HDAC8: variants seen among roughly 807,000 people sequenced by gnomAD.
HDAC8 encodes the protein histone deacetylase-like 1.
In HDAC8, 1 loss-of-function variant was observed where a neutral mutation model predicts 32.2. The observed-to-expected ratio is 0.03, with a 90% CI of 0.01 to 0.15. The LOEUF is 0.15. Among genes scored for constraint, HDAC8 ranks in the 10% least tolerant of loss-of-function variants. The probability of loss-of-function intolerance (pLI) is 1.00; values close to 1 mark genes in which losing one functional copy is unlikely to be tolerated. For missense variants in HDAC8, 117 were observed against 300.0 expected, an observed-to-expected ratio of 0.39 and a Z score of 4.51; for synonymous variants, 108 against 113.9, an observed-to-expected ratio of 0.95 and a Z score of 0.33.
intron 4 of HDAC8, among the ~76,000 whole-genome samples, chrX:72,522,613 A>T (rs1345581121): frequency 8.9e-6 from 1 of 112,345 alleles, no homozygotes; most frequent in Non-Finnish European, 1.9e-5. Flanking sequence ...GTAAGAGCCG[A>T]TTGCTGCATA....
chrX:72,381,158 G>A (rs1555959822), intron 9 of HDAC8, among the ~76,000 whole-genome samples: 2 of 112,144 alleles, frequency 1.8e-5, no homozygotes, highest in African/African-American at 6.5e-5. Context: ...CAAGCCCTAG[G>A]TAATTCATAT....
At chrX:72,451,411 G>A (rs2148013765) in intron 9 of HDAC8, among the ~76,000 whole-genome samples, 1 of 111,829 alleles carries the variant, frequency 8.9e-6, no homozygotes, top group African/African-American at 3.2e-5. Flanking sequence ...TGGCCAGGCT[G>A]GTCTCAAACT....
At chrX:72,516,642 A>C (rs1373401693) in intron 4 of HDAC8, among the ~76,000 whole-genome samples, 8 of 111,390 alleles carry the variant, frequency 7.2e-5, no homozygotes, top group Middle Eastern at 4.6e-3. Context: ...TTGGAAAAAA[A>C]CCCACAAAAC....
chrX:72,354,868 C>A (rs1156995306), intron 9 of HDAC8, among the ~76,000 whole-genome samples: 1 of 111,692 alleles, frequency 9.0e-6, no homozygotes, highest in East Asian at 2.8e-4. Flanking sequence ...GAGATAATAT[C>A]TATAAAAGGG....
intron 9 of HDAC8, among the ~76,000 whole-genome samples, chrX:72,439,756 T>A (rs2047066367): frequency 9.2e-6 from 1 of 109,020 alleles, no homozygotes; most frequent in South Asian, 4.0e-4. Context: ...AAGGGATCAA[T>A]GCAAAAAGAA....
chrX:72,506,815 G>T (rs142594734), intron 4 of HDAC8, among the ~76,000 whole-genome samples: 15 of 110,709 alleles, frequency 1.4e-4, no homozygotes, highest in African/African-American at 4.6e-4. Flanking sequence ...TTACTTTCAG[G>T]GTTCAATTCT....
At chrX:72,377,102 T>A (rs1054620675) in intron 9 of HDAC8, 3 of 111,614 alleles carry the variant, frequency 2.7e-5, no homozygotes, top group Non-Finnish European at 5.6e-5. Context: ...AGATAGAGGA[T>A]GTATCAGATA....
At chrX:72,424,992 C>T (rs2046595873) in intron 9 of HDAC8, among the ~76,000 whole-genome samples, 2 of 112,096 alleles carry the variant, frequency 1.8e-5, no homozygotes, top group South Asian at 7.3e-4. Context: ...CACCTTTTGA[C>T]TATTTTATTT....
At chrX:72,366,799 C>G (rs1239444469) in intron 9 of HDAC8, among the ~76,000 whole-genome samples, 3 of 111,384 alleles carry the variant, frequency 2.7e-5, no homozygotes, top group African/African-American at 9.8e-5. Context: ...AAACAGGCGG[C>G]TCTAGTGACA....
intron 9 of HDAC8, among the ~76,000 whole-genome samples, chrX:72,436,254 C>T (rs1268271679): frequency 1.8e-5 from 2 of 111,394 alleles, no homozygotes; most frequent in African/African-American, 6.5e-5. Context: ...CAAGGAAATC[C>T]ACTCCAATAA....
chrX:72,560,629 C>G (rs1199648295), intron 4 of HDAC8, among the ~76,000 whole-genome samples: 3 of 100,905 alleles, frequency 3.0e-5, no homozygotes, highest in African/African-American at 1.1e-4. Flanking sequence ...TGTTTCCAAT[C>G]TTAGTGGGAA....
intron 2 of HDAC8, 152 bp from the exon 3 acceptor site, chrX:72,569,036 T>A: frequency 1.8e-6 from 1 of 544,995 alleles, no homozygotes; most frequent in Non-Finnish European, 2.9e-6. Context: ...GTTCTTCCAC[T>A]GCACTGTGCG....
At chrX:72,353,721 C>T (rs1188982908) in intron 9 of HDAC8, among the ~76,000 whole-genome samples, 2 of 111,678 alleles carry the variant, frequency 1.8e-5, no homozygotes, top group African/African-American at 6.5e-5. Flanking sequence ...TCAAGTGGTA[C>T]ACTCATTTCA....
chrX:72,413,104 T>C (rs1555970691), intron 9 of HDAC8, among the ~76,000 whole-genome samples: 1 of 93,751 alleles, frequency 1.1e-5, no homozygotes, highest in African/African-American at 5.8e-5. Flanking sequence ...TTCTGGTCTG[T>C]GTAACTGGTT....
intron 4 of HDAC8, among the ~76,000 whole-genome samples, chrX:72,505,049 T>A (rs1228292037): frequency 9.0e-6 from 1 of 111,154 alleles, no homozygotes; most frequent in African/African-American, 3.3e-5. Context: ...CATTTTTAAA[T>A]TTTTAATCTT....
At chrX:72,362,421 T>TA (rs2044581293) in intron 9 of HDAC8, among the ~76,000 whole-genome samples, 1 of 111,957 alleles carries the variant, frequency 8.9e-6, no homozygotes, top group East Asian at 2.8e-4. Flanking sequence ...ATTAAGTCTT[T>TA]TTTCTTTATA....
chrX:72,560,200 C>T (rs1201809854), intron 4 of HDAC8, among the ~76,000 whole-genome samples: 2 of 112,074 alleles, frequency 1.8e-5, no homozygotes, highest in African/African-American at 6.5e-5. Flanking sequence ...TAGGAGACTC[C>T]ATTTTGTTCT....
chrX:72,475,477 C>G (rs1315937779), intron 7 of HDAC8, among the ~76,000 whole-genome samples: 2 of 111,713 alleles, frequency 1.8e-5, no homozygotes, highest in East Asian at 2.8e-4. Flanking sequence ...TCTCTCAATC[C>G]TATCTGAGCT....
At chrX:72,470,612 C>T (rs1555997110) in intron 7 of HDAC8, among the ~76,000 whole-genome samples, 1 of 111,461 alleles carries the variant, frequency 9.0e-6, no homozygotes, top group African/African-American at 3.3e-5. Context: ...AACTTATCCA[C>T]ATACTGGCCG....
Sources: allele counts gnomAD v4.1 joint callset (sites outside exome capture counted in the v4.1 genomes callset), GRCh38; gene constraint gnomAD v4.1.1; transcripts MANE v1.5; gene names NCBI Gene and HGNC (gene_info 2026-07-23, HGNC 2026-07-21).